CFAP44: variants seen among roughly 807,000 people sequenced by gnomAD.
CFAP44 encodes the protein cilia and flagella associated protein 44, also known as cilia- and flagella-associated protein 44.
A neutral mutation model predicts 216.2 loss-of-function variants in CFAP44; 134 were observed. The ratio of observed to expected loss-of-function variants is 0.62; its 90% confidence interval spans 0.54 to 0.72. The LOEUF is 0.72. CFAP44 is among the 30% of genes least tolerant of loss of function. CFAP44 has a pLI of 0.00. For synonymous variants in CFAP44, 700 were observed against 727.6 expected (o/e 0.96, Z 0.61); for missense variants, 2,035 against 2,182.1 (o/e 0.93, Z 1.34).
chr3:113,342,018 A>G (rs1175996550), intron 23 of CFAP44, 100 bp from the exon 24 acceptor site: 2 of 1,313,192 alleles, frequency 1.5e-6, no homozygotes, highest in African/African-American at 3.1e-5. Context: ...CACAGAGAAT[A>G]TATTGAATTT....
chr3:113,407,352 A>G (rs924459569), intron 7 of CFAP44, among the ~76,000 whole-genome samples: 5 of 152,222 alleles, frequency 3.3e-5, no homozygotes, highest in South Asian at 4.1e-4. Context: ...TAAAGTAATT[A>G]ACATTAAATA....
intron 1 of CFAP44, chr3:113,434,128 G>A (rs1164875428): frequency 6.5e-6 from 1 of 153,280 alleles, no homozygotes; most frequent in East Asian, 1.9e-4. Context: ...TACAAACCTG[G>A]AGAAGAGAAA....
At chr3:113,416,980 TA>T (rs1227255879) in intron 5 of CFAP44, among the ~76,000 whole-genome samples, 1 of 152,314 alleles carries the variant, frequency 6.6e-6, no homozygotes, top group East Asian at 1.9e-4. Context: ...GTTTCTGACT[TA>T]ATCTGTCAGG....
chr3:113,395,733 A>C lies in CFAP44; in HGVS notation c.1890+17T>G. 1 of 1,576,560 alleles carries C rather than the reference A, an allele frequency of 6.3e-7. No individual in the cohort carries two copies. The highest frequency in any genetic ancestry group is 8.6e-7 in the Non-Finnish European group (1 of 1,158,116). On this transcript the variant is annotated intron_variant, in intron 15 of 34. Transcript: ENST00000393845. ...GTAATTGAGATTCAAACAGGAAGAC[A>C]AATAATAATGACTTACATGAGACAT...
chr3:113,433,725 A>G, intron 1 of CFAP44, 56 bp from the exon 2 acceptor site: 1 of 1,304,076 alleles, frequency 7.7e-7, no homozygotes, highest in Non-Finnish European at 1.1e-6. Flanking sequence ...TGAAACTAAC[A>G]GATTTCCCCC....
chr3:113,400,646 T>C lies in CFAP44; in HGVS notation c.1375-2A>G. The C allele has an allele frequency of 6.2e-7, 1 of 1,608,208 alleles. No individual in the cohort carries two copies. Among genetic ancestry groups the C allele is most frequent in the Non-Finnish European group, 8.5e-7 (1 of 1,177,082 alleles). Reference sequence around the variant, plus strand: ...GAAGAGGCATTCTGGGTCCTGGGTCTGAGAATAGATAGACAGCTTACTAGA... The same window carrying C: ...GAAGAGGCATTCTGGGTCCTGGGTCCGAGAATAGATAGACAGCTTACTAGA... On this transcript the variant is annotated splice_acceptor_variant, in intron 11 of 34. Coordinates refer to ENST00000393845, the MANE Select transcript of CFAP44 (RefSeq NM_001164496.2). LOFTEE classifies it high-confidence loss of function.
intron 4 of CFAP44, among the ~76,000 whole-genome samples, chr3:113,421,711 T>C (rs756177698): frequency 1.1e-4 from 17 of 152,116 alleles, no homozygotes; most frequent in Non-Finnish European, 2.1e-4. Flanking sequence ...AGGAGGCCAT[T>C]ATCCTAAGCA....
At chr3:113,351,894 T>G (rs1950448488) in intron 22 of CFAP44, among the ~76,000 whole-genome samples, 1 of 152,212 alleles carries the variant, frequency 6.6e-6, no homozygotes. Flanking sequence ...AACTACCAAC[T>G]TCTACCAAGG....
chr3:113,313,395 C>T (rs1048442253), intron 28 of CFAP44, among the ~76,000 whole-genome samples: 4 of 152,102 alleles, frequency 2.6e-5, no homozygotes, highest in African/African-American at 9.7e-5. Context: ...TTTACAGGCT[C>T]ATAGACAGAA....
chr3:113,379,626 A>G (rs1933451301), intron 16 of CFAP44, 75 bp from the exon 17 acceptor site: 8 of 1,186,602 alleles, frequency 6.7e-6, no homozygotes, highest in Non-Finnish European at 9.2e-6. Flanking sequence ...AGGGATGACA[A>G]TGAAAATAGA....
intron 22 of CFAP44, among the ~76,000 whole-genome samples, chr3:113,346,693 C>T (rs1256856704): frequency 6.6e-6 from 1 of 152,168 alleles, no homozygotes; most frequent in Non-Finnish European, 1.5e-5. Flanking sequence ...CTGTGTCTAG[C>T]TAAAGGATTG....
chr3:113,320,423 A>G (rs796757421), intron 28 of CFAP44, among the ~76,000 whole-genome samples: 2 of 137,796 alleles, frequency 1.5e-5, no homozygotes, highest in East Asian at 2.1e-4. Flanking sequence ...TGATATATAT[A>G]TGATATATAT....
chr3:113,368,775 A>C (rs543547844), intron 18 of CFAP44, among the ~76,000 whole-genome samples: 1 of 152,252 alleles, frequency 6.6e-6, no homozygotes, highest in Non-Finnish European at 1.5e-5. Context: ...TAAATGCTCC[A>C]ATTAAAAGAT....
intron 21 of CFAP44, among the ~76,000 whole-genome samples, chr3:113,361,993 C>T (rs565790513): frequency 6.6e-6 from 1 of 151,578 alleles, no homozygotes; most frequent in South Asian, 2.1e-4. Context: ...TGATAGCTTC[C>T]CACCACACAC....
At chr3:113,350,247 A>G (rs1387872582) in intron 22 of CFAP44, among the ~76,000 whole-genome samples, 2 of 152,088 alleles carry the variant, frequency 1.3e-5, no homozygotes, top group Non-Finnish European at 2.9e-5. Flanking sequence ...AGTCAAAAAG[A>G]AAGAGAAGGA....
At chr3:113,326,838 T>C (rs981170888) in intron 27 of CFAP44, among the ~76,000 whole-genome samples, 198 bp from the exon 28 acceptor site, 7 of 152,144 alleles carry the variant, frequency 4.6e-5, no homozygotes, top group Non-Finnish European at 1.0e-4. Context: ...AAATCAGTCA[T>C]GTTTAGAATT....
Position 113,291,714 on chromosome 3 carries a change from A to G in CFAP44, c.5408T>C (p.Val1803Ala). The G allele has an allele frequency of 6.5e-7, 1 of 1,536,642 alleles. No homozygotes were observed. The highest frequency in any genetic ancestry group is 1.9e-4 in the Middle Eastern group (1 of 5,224). The change falls in exon 35 of 35, where the codon GTT becomes GCT. Residue 1803 changes from valine (V) to alanine (A), a missense_variant. By Grantham distance (64) the Val-to-Ala change is moderately conservative. Around this residue, in one of 3 missense-constraint regions of CFAP44, gnomAD observed 1,883 missense variants for 2,023.7 expected, o/e 0.93. Transcript: ENST00000393845. ...NAFQGPREAD[V>A]VAREEVTELI... The stretch of plus-strand genomic sequence containing the variant: ...TTCAGTGACCTCCTCTCTTGCCACA[A>G]CATCTGCTTCCCGAGGGCCCTGGAA...
chr3:113,292,846 T>G (rs1283929446), intron 34 of CFAP44, among the ~76,000 whole-genome samples: 1 of 152,234 alleles, frequency 6.6e-6, no homozygotes, highest in African/African-American at 2.4e-5. Context: ...CCATTTTCTC[T>G]TCCAGCTAGA....
chr3:113,325,691 T>C (rs1950183657), intron 28 of CFAP44, among the ~76,000 whole-genome samples: 1 of 152,170 alleles, frequency 6.6e-6, no homozygotes, highest in Non-Finnish European at 1.5e-5. Context: ...CCAACAAGAT[T>C]TTTTGTAGAT....
Sources: allele counts gnomAD v4.1 joint callset (sites outside exome capture counted in the v4.1 genomes callset), GRCh38; gene constraint gnomAD v4.1.1; regional missense constraint gnomAD v4.1.1; transcripts MANE v1.5; gene names NCBI Gene and HGNC (gene_info 2026-07-23, HGNC 2026-07-21).